Variants in MAF observed in about 807,000 individuals in gnomAD.
MAF encodes transcription factor Maf.
MAF carries 10 observed loss-of-function variants against 22.0 expected under a neutral mutation model. The ratio of observed to expected loss-of-function variants is 0.45; its 90% CI spans 0.28 to 0.77. The LOEUF (loss-of-function observed/expected upper bound fraction) is 0.77. Ranked by LOEUF, MAF falls within the 30% of genes least tolerant of loss-of-function variation. MAF has a pLI of 0.12. For missense variants in MAF, 544 were observed against 548.4 expected (o/e 0.99, Z 0.08); for synonymous variants, 337 against 255.8 (o/e 1.32, Z -3.03).
At chr16:79,494,723 C>G in the MAF span, among the ~76,000 whole-genome samples, 2 of 152,122 alleles carry the variant, frequency 1.3e-5, no homozygotes, top group Non-Finnish European at 2.9e-5. Flanking sequence ...GACTGAGTGT[C>G]CCGGTAACCG....
chr16:79,388,750 A>G, the MAF span, among the ~76,000 whole-genome samples: 1 of 152,234 alleles, frequency 6.6e-6, no homozygotes, highest in African/African-American at 2.4e-5. Context: ...GGATGGAGGA[A>G]TACATTGTGT....
At chr16:79,313,903 A>G in the MAF span, among the ~76,000 whole-genome samples, 3 of 152,200 alleles carry the variant, frequency 2.0e-5, no homozygotes, top group Non-Finnish European at 4.4e-5. Context: ...CTGCCTGTTC[A>G]TAAGAAAATG....
the MAF span, among the ~76,000 whole-genome samples, chr16:79,538,062 A>G: frequency 6.6e-6 from 1 of 152,212 alleles, no homozygotes; most frequent in Non-Finnish European, 1.5e-5. Context: ...TCTATTCTAC[A>G]TACTGCACCA....
the MAF span, among the ~76,000 whole-genome samples, chr16:79,328,104 C>T: frequency 3.9e-5 from 6 of 152,164 alleles, no homozygotes; most frequent in Admixed American, 3.9e-4. Context: ...TTCATCCCTG[C>T]AGCATGCATT....
At chr16:79,550,007 A>T in the MAF span, among the ~76,000 whole-genome samples, 1 of 152,214 alleles carries the variant, frequency 6.6e-6, no homozygotes, top group South Asian at 2.1e-4. Context: ...AAACTGAGGC[A>T]GGAGAAGCTT....
chr16:79,234,854 G>A, the MAF span, among the ~76,000 whole-genome samples: 1 of 152,094 alleles, frequency 6.6e-6, no homozygotes, highest in Admixed American at 6.6e-5. Context: ...AACTTACTTT[G>A]CAGTGGGATA....
At chr16:79,278,644 T>A in the MAF span, among the ~76,000 whole-genome samples, 3 of 152,108 alleles carry the variant, frequency 2.0e-5, no homozygotes, top group East Asian at 5.8e-4. Flanking sequence ...CTAGCCTCCT[T>A]GAGTGCCGGG....
At chr16:79,497,349 C>T in the MAF span, among the ~76,000 whole-genome samples, 2 of 152,158 alleles carry the variant, frequency 1.3e-5, no homozygotes, top group Admixed American at 6.5e-5. Context: ...TCAGATGCTG[C>T]CATGTATGCC....
the MAF span, among the ~76,000 whole-genome samples, chr16:79,473,100 C>G: frequency 1.3e-5 from 2 of 151,984 alleles, no homozygotes; most frequent in African/African-American, 4.8e-5. Flanking sequence ...CTGGGGATGC[C>G]TTTTTTGATG....
chr16:79,333,948 T>C, the MAF span, among the ~76,000 whole-genome samples: 1 of 152,234 alleles, frequency 6.6e-6, no homozygotes, highest in Non-Finnish European at 1.5e-5. Flanking sequence ...GATCTGGTGA[T>C]ATAACCACGT....
chr16:79,313,524 A>G, the MAF span, among the ~76,000 whole-genome samples: 3 of 152,276 alleles, frequency 2.0e-5, no homozygotes, highest in Admixed American at 6.5e-5. Flanking sequence ...AACAACCCCT[A>G]TCATTTTCAT....
At chr16:79,228,554 C>T in the MAF span, among the ~76,000 whole-genome samples, 1 of 152,104 alleles carries the variant, frequency 6.6e-6, no homozygotes, top group Non-Finnish European at 1.5e-5. Context: ...ATTGATCTTC[C>T]TGATCCCTGA....
At chr16:79,217,020 G>C in the MAF span, among the ~76,000 whole-genome samples, 2 of 152,280 alleles carry the variant, frequency 1.3e-5, no homozygotes, top group East Asian at 3.9e-4. Context: ...ATGTTGGCCA[G>C]GCTGGTCTCG....
At chr16:79,392,549 A>G in the MAF span, among the ~76,000 whole-genome samples, 2 of 151,998 alleles carry the variant, frequency 1.3e-5, no homozygotes, top group Admixed American at 6.6e-5. Context: ...GAGGAGATGA[A>G]CACGGGTGGA....
chr16:79,413,467 T>A, the MAF span, among the ~76,000 whole-genome samples: 1 of 150,288 alleles, frequency 6.7e-6, no homozygotes, highest in African/African-American at 2.4e-5. Flanking sequence ...TCTCCTGACC[T>A]CGTGATCCAC....
the MAF span, among the ~76,000 whole-genome samples, chr16:79,338,260 C>G: frequency 2.0e-5 from 3 of 152,248 alleles, no homozygotes; most frequent in Non-Finnish European, 4.4e-5. Context: ...TGCGTGAGGT[C>G]TGAGTGAAGG....
downstream of MAF, among the ~76,000 whole-genome samples, chr16:79,589,604 G>T (rs1401571387): frequency 6.6e-6 from 1 of 152,348 alleles, no homozygotes; most frequent in Non-Finnish European, 1.5e-5. Flanking sequence ...CCGCGATCGG[G>T]TGGAGTGAGG....
downstream of MAF, among the ~76,000 whole-genome samples, chr16:79,592,141 G>A (rs118012167): frequency 0.024 from 3,703 of 152,266 alleles, 66 homozygotes; most frequent in Non-Finnish European, 0.04. Flanking sequence ...CCTACAAATG[G>A]TGCAGGGAAC....
At chr16:79,569,352 G>C in the MAF span, among the ~76,000 whole-genome samples, 1 of 152,192 alleles carries the variant, frequency 6.6e-6, no homozygotes, top group East Asian at 1.9e-4. Flanking sequence ...GCATCCTCCA[G>C]TTGAGACCCA....
Sources: gnomAD v4.1 joint callset for allele counts (sites outside exome capture counted in the v4.1 genomes callset) on GRCh38, gnomAD v4.1.1 for gene constraint, MANE v1.5 for transcripts, NCBI Gene and HGNC (gene_info 2026-07-23, HGNC 2026-07-21) for gene names.